The following ZMYND12 variants were observed in gnomAD, a reference collection of about 807,000 sequenced individuals.
ZMYND12 encodes the protein zinc finger MYND domain-containing protein 12.
Under a neutral mutation model 41.7 loss-of-function variants are expected in ZMYND12, and 32 were observed. The observed-to-expected ratio is 0.77, with a 90% confidence interval of 0.58 to 1.03. The LOEUF is 1.03. Among genes scored for constraint, ZMYND12 ranks in the 50% least tolerant of loss-of-function variants. The pLI, the probability that ZMYND12 is intolerant of heterozygous loss-of-function variation, is 0.00. For missense variants in ZMYND12, 424 were observed against 438.5 expected, an observed-to-expected ratio of 0.97 and a Z score of 0.30; for synonymous variants, 148 against 164.8, an observed-to-expected ratio of 0.90 and a Z score of 0.78.
At chr1:42,444,212 G>A (rs1022046515) in intron 3 of ZMYND12, among the ~76,000 whole-genome samples, 1 of 152,132 alleles carries the variant, frequency 6.6e-6, no homozygotes, top group Non-Finnish European at 1.5e-5. Context: ...ACGTATGAGA[G>A]AGAAAAGAGC....
intron 3 of ZMYND12, 52 bp downstream of exon 3, chr1:42,448,415 C>T: frequency 1.4e-6 from 2 of 1,479,476 alleles, no homozygotes; most frequent in Non-Finnish European, 1.8e-6. Context: ...TGGTGTGACC[C>T]AAACATAACA....
chr1:42,446,382 A>G (rs1026186053), intron 3 of ZMYND12, among the ~76,000 whole-genome samples: 2 of 152,162 alleles, frequency 1.3e-5, no homozygotes, highest in Non-Finnish European at 2.9e-5. Flanking sequence ...TACAGGCCAG[A>G]CACGGTGGCT....
intron 7 of ZMYND12, 30 bp from the exon 8 acceptor site, chr1:42,430,888 G>A (rs1157454748): frequency 1.2e-6 from 2 of 1,612,466 alleles, no homozygotes; most frequent in Non-Finnish European, 1.7e-6. Context: ...ACAAAAGGAA[G>A]TTGTCACAGG....
chr1:42,435,393 G>T lies in ZMYND12; in HGVS notation c.718-8C>A. The T allele has an allele frequency of 6.3e-7, 1 of 1,599,762 alleles. No homozygotes were observed. The highest frequency in any genetic ancestry group is 1.3e-5 in the African/African-American group (1 of 74,698). On this transcript the variant is annotated splice_region_variant and splice_polypyrimidine_tract_variant and intron_variant, in intron 5 of 7. Transcript: ENST00000372565. ...ATGCCAGATCTCAGAGACCTGTTGG[G>T]AAAAGAGATGGTAATACAACAAGCA...
rs975744786 is a variant in ZMYND12, at chr1:42,455,975, G to A, written c.23C>T (p.Ala8Val). ...GCAGAGTCTGCGCCCCTTGGGGACT[G>A]CCAGTGGGTAGATCACATTCATGGT... The part of the protein sequence containing the change: MNVIYPL[A>V]VPKGRRLCCE... Residue 8 changes from alanine to valine, a missense_variant, in exon 1 of 8, where the codon GCA (alanine) becomes GTA (valine). Transcript: ENST00000372565. 1.7e-5 allele frequency: 28 copies of A among 1,612,998 alleles called. No individual in the cohort carries two copies. The highest frequency in any genetic ancestry group is 6.7e-5 in the African/African-American group (5 of 74,928).
At chr1:42,439,747 G>T in intron 4 of ZMYND12, 109 bp downstream of exon 4, 1 of 1,202,458 alleles carries the variant, frequency 8.3e-7, no homozygotes, top group Non-Finnish European at 1.2e-6. Flanking sequence ...TAAACAGAAA[G>T]TTTTAGAGAA....
chr1:42,443,890 G>A (rs1166213581), intron 3 of ZMYND12, among the ~76,000 whole-genome samples: 1 of 152,086 alleles, frequency 6.6e-6, no homozygotes, highest in Non-Finnish European at 1.5e-5. Context: ...CAAAACATGA[G>A]TGCTGTGAAG....
Position 42,435,323 on chromosome 1 carries a change from G to C in ZMYND12, c.780C>G (p.Ile260Met). Reference protein sequence around the residue: ...NHYQVLSQAHIQQMDLLGKLF... With the variant: ...NHYQVLSQAHMQQMDLLGKLF... The stretch of plus-strand genomic sequence containing the variant: ...GTTTGCCCAGTAAATCCATTTGTTG[G>C]ATGTGAGCCTGTGAGAGGACTTGAT... Residue 260 changes from isoleucine to methionine, a missense_variant, in exon 6 of 8, where the codon ATC becomes ATG. Coordinates refer to ENST00000372565, the MANE Select transcript of ZMYND12 (RefSeq NM_032257.5). 1.2e-6 allele frequency: 2 copies of C among 1,614,110 alleles called. No homozygotes were observed. Among genetic ancestry groups the C allele is most frequent in the Non-Finnish European group, 1.7e-6 (2 of 1,179,958 alleles).
chr1:42,436,316 G>A, intron 5 of ZMYND12, 105 bp downstream of exon 5: 2 of 1,507,660 alleles, frequency 1.3e-6, no homozygotes, highest in Admixed American at 1.8e-5. Flanking sequence ...ATCTCTCTGT[G>A]CCTCTCTTTC....
At chr1:42,439,135 C>T (rs962315731) in intron 4 of ZMYND12, among the ~76,000 whole-genome samples, 10 of 152,166 alleles carry the variant, frequency 6.6e-5, no homozygotes, top group African/African-American at 2.2e-4. Flanking sequence ...TATTAATCTT[C>T]GCAATGACCC....
chr1:42,454,719 T>TA (rs1269327803), intron 1 of ZMYND12, among the ~76,000 whole-genome samples: 1 of 151,802 alleles, frequency 6.6e-6, no homozygotes, highest in Non-Finnish European at 1.5e-5. Flanking sequence ...TTTTTTTTTT[T>TA]TGAGACACAG....
chr1:42,447,429 G>A lies in ZMYND12; in HGVS notation c.424+1038C>T, dbSNP rs373183339. ...GGTTGAGAAACTATTCCAGAGTTTTGTTGCCAACACATGGCAACAAAATGA... is the reference window on the plus strand; with the variant it reads ...GGTTGAGAAACTATTCCAGAGTTTTATTGCCAACACATGGCAACAAAATGA... On this transcript the variant is annotated intron_variant, in intron 3 of 7. Coordinates refer to ENST00000372565, the MANE Select transcript of ZMYND12 (RefSeq NM_032257.5). 3.4e-4 allele frequency among the ~76,000 whole-genome samples: 52 copies of A among 152,288 alleles called. No individual in the cohort carries two copies. The East Asian group carries it at 8.1e-3, about 24-fold the overall frequency.
intron 3 of ZMYND12, 38 bp downstream of exon 3, chr1:42,448,429 C>G (rs1347860836): frequency 6.5e-7 from 1 of 1,532,342 alleles, no homozygotes; most frequent in African/African-American, 1.4e-5. Flanking sequence ...CATAACACCA[C>G]TTAAGGGATC....
Position 42,456,017 on chromosome 1 carries a change from G to A in ZMYND12, c.-20C>T, listed in dbSNP as rs1643171956. On this transcript the variant is annotated 5_prime_UTR_variant, in exon 1 of 8. Transcript: ENST00000372565. The stretch of plus-strand genomic sequence containing the variant: ...ATTCATGGTGCAGCCAGCAGTGCTG[G>A]TCTCTAAGACGGTTGCCCAGCAAGG... 1 of 1,583,792 alleles carries A rather than the reference G, an allele frequency of 6.3e-7. No homozygotes were observed. Among genetic ancestry groups the A allele is most frequent in the African/African-American group, 1.3e-5 (1 of 74,316 alleles).
intron 2 of ZMYND12, 55 bp downstream of exon 2, chr1:42,449,863 T>C: frequency 6.3e-7 from 1 of 1,596,444 alleles, no homozygotes; most frequent in African/African-American, 1.3e-5. Context: ...GAGCCTTGTC[T>C]TGGGCAGCTT....
At chr1:42,448,706 C>G in intron 2 of ZMYND12, 68 bp from the exon 3 acceptor site, 1 of 1,491,110 alleles carries the variant, frequency 6.7e-7, no homozygotes, top group Non-Finnish European at 9.0e-7. Context: ...TGTAGATGGC[C>G]CTGGGGATAA....
chr1:42,437,714 C>T (rs1356790979), intron 4 of ZMYND12, among the ~76,000 whole-genome samples: 2 of 151,292 alleles, frequency 1.3e-5, no homozygotes, highest in Non-Finnish European at 2.9e-5. Context: ...CTGAGTCTCA[C>T]TCTGTCGCCC....
intron 6 of ZMYND12, among the ~76,000 whole-genome samples, chr1:42,433,539 T>C (rs1436173202): frequency 2.0e-5 from 3 of 152,288 alleles, no homozygotes; most frequent in Non-Finnish European, 2.9e-5. Flanking sequence ...AGCCTAAAAA[T>C]AGGCTCACTC....
Position 42,449,988 on chromosome 1 carries a change from C to T in ZMYND12, c.182G>A (p.Arg61His), listed in dbSNP as rs767153865. 10 of 1,613,884 alleles carry T rather than the reference C, an allele frequency of 6.2e-6. No homozygotes were observed. Among genetic ancestry groups the T allele is most frequent in the Admixed American group, 3.3e-5 (2 of 60,024 alleles). ...TGAATTGTAGAAGGGCATGGAAGTG[C>T]GCAGTGGAATCAAGAGCTGACATAT... ...EKICQLLIPL[R>H]TSMPFYNSEE... is the part of the protein sequence containing the mutation. Residue 61 changes from arginine to histidine, a missense_variant, in exon 2 of 8, where the codon CGC becomes CAC. Arg to His is a conservative substitution (Grantham distance 29, BLOSUM62 0). Transcript: ENST00000372565.
Sources: allele counts gnomAD v4.1 joint callset (sites outside exome capture counted in the v4.1 genomes callset), GRCh38; gene constraint gnomAD v4.1.1; transcripts MANE v1.5; gene names NCBI Gene and HGNC (gene_info 2026-07-23, HGNC 2026-07-21).